The following ACVR2B variants were observed in gnomAD, a reference collection of about 807,000 sequenced individuals.
ACVR2B encodes activin A receptor type 2B, also known as activin receptor type-2B.
Under a neutral mutation model 65.1 loss-of-function variants are expected in ACVR2B, and 18 were observed. That is an observed-to-expected ratio of 0.28 (90% CI 0.19 to 0.41). The LOEUF is 0.41. Among genes scored for constraint, ACVR2B ranks in the 10% least tolerant of loss-of-function variants. The pLI is 1.00. For synonymous variants in ACVR2B, 298 were observed against 277.7 expected (o/e 1.07, Z -0.73); for missense variants, 482 against 682.7 (o/e 0.71, Z 3.28).
intron 10 of ACVR2B, 101 bp downstream of exon 10, chr3:38,482,661 A>C: frequency 6.6e-7 from 1 of 1,513,856 alleles, no homozygotes; most frequent in Non-Finnish European, 9.0e-7. Context: ...GGCAAATAGA[A>C]AGTCTGCGAC....
At position 38,460,288 on chromosome 3, in the gene ACVR2B, G is replaced by C. The variant is rs147211180; in HGVS notation, c.52+5914G>C. Reference sequence around the variant, plus strand: ...CTCTCATTCTCTACCAGACTTACGGGTCCATCCCAGCCCTAGAGGTGCCTA... The same window carrying C: ...CTCTCATTCTCTACCAGACTTACGGCTCCATCCCAGCCCTAGAGGTGCCTA... On this transcript the variant is annotated intron_variant, in intron 1 of 10. Coordinates refer to ENST00000352511, the MANE Select transcript of ACVR2B (RefSeq NM_001106.4). Among the ~76,000 whole-genome samples, 391 of 152,276 alleles carry C rather than the reference G, an allele frequency of 2.6e-3. 2 individuals carry two copies. The highest frequency in any genetic ancestry group is 9.0e-3 in the African/African-American group (372 of 41,556).
intron 1 of ACVR2B, chr3:38,474,157 C>G (rs1709867689): frequency 6.5e-6 from 1 of 152,750 alleles, no homozygotes; most frequent in South Asian, 2.1e-4. Context: ...GCTGGCATTA[C>G]AGGCGTGAGC....
chr3:38,460,580 G>T (rs1709628426), intron 1 of ACVR2B, among the ~76,000 whole-genome samples: 1 of 152,234 alleles, frequency 6.6e-6, no homozygotes, highest in South Asian at 2.1e-4. Flanking sequence ...ACACATGCAT[G>T]TGCCTTTTTC....
intron 1 of ACVR2B, chr3:38,454,593 G>A: frequency 2.7e-6 from 1 of 371,776 alleles, no homozygotes; most frequent in Non-Finnish European, 4.6e-6. Context: ...GCGGGATTCT[G>A]GTTCCTAGAG....
intron 1 of ACVR2B, among the ~76,000 whole-genome samples, chr3:38,459,899 T>G (rs970453203): frequency 6.6e-6 from 1 of 152,100 alleles, no homozygotes; most frequent in Non-Finnish European, 1.5e-5. Flanking sequence ...TGCCCCCATG[T>G]TTATTTTCTA....
chr3:38,464,802 A>G (rs1200389381), intron 1 of ACVR2B, among the ~76,000 whole-genome samples: 2 of 152,168 alleles, frequency 1.3e-5, no homozygotes, highest in Non-Finnish European at 2.9e-5. Context: ...CACACCTGTA[A>G]TCCCAGCTAC....
chr3:38,483,107 G>C lies in ACVR2B; in HGVS notation c.1345-31G>C. 6.2e-7 allele frequency: 1 copy of C among 1,613,358 alleles called. No individual in the cohort carries two copies. ...TCCTCACTGAAGGGTCCTAACAAAG[G>C]TGTCTTTCCTGTCTGCCCTATGCTG... On this transcript the variant is annotated intron_variant, in intron 10 of 10. Transcript: ENST00000352511. The surrounding 1 kb of genome is among the most constrained non-coding windows in gnomAD (Gnocchi z 4.8).
rs1710155005 is a variant in ACVR2B, at chr3:38,488,245, TCTC to T, written c.*4914_*4916del. On this transcript the variant is annotated 3_prime_UTR_variant, in exon 11 of 11. Coordinates refer to ENST00000352511, the MANE Select transcript of ACVR2B (RefSeq NM_001106.4). The stretch of plus-strand genomic sequence containing the variant: ...AATTCAGTTGATGAACTGTATATCT[TCTC>T]AGTCTAGATTTGTAAATGTTTAATG... 1 of 152,228 alleles carries T rather than the reference TCTC, an allele frequency of 6.6e-6. No homozygotes were observed. The highest frequency in any genetic ancestry group is 2.4e-5 in the African/African-American group (1 of 41,462). The allele number at this position is 152,228 out of a possible 1,614,324, so 9.4% of individuals were successfully genotyped here.
In ACVR2B at chr3:38,474,479, G is replaced by C. The variant is rs571618027; in HGVS notation, c.53-2808G>C. ...CTAGCCATGATACCTATACCCTTCT[G>C]TCCTTCTGTCTGTCCACCCATCCAT... is the stretch of plus-strand genomic sequence containing the variant. On this transcript the variant is annotated intron_variant, in intron 1 of 10. Coordinates refer to ENST00000352511, the MANE Select transcript of ACVR2B (RefSeq NM_001106.4). The C allele has an allele frequency of 2.0e-4, 30 of 152,372 alleles. 1 individual carries two copies. The highest frequency in any genetic ancestry group is 1.7e-3 in the Admixed American group (26 of 15,308). The allele number at this position is 152,372 out of a possible 1,614,324, so 9.4% of individuals were successfully genotyped here. A position where few individuals can be genotyped will look rare whatever the true frequency, so the allele number is the denominator to read the frequency against.
intron 1 of ACVR2B, among the ~76,000 whole-genome samples, chr3:38,464,567 A>G (rs1180302495): frequency 8.4e-6 from 1 of 118,862 alleles, no homozygotes; most frequent in Non-Finnish European, 2.2e-5. Context: ...TAGGGTGATG[A>G]TTTTGGTATT....
At chr3:38,476,137 C>T (rs985788365) in intron 1 of ACVR2B, 1 of 152,298 alleles carries the variant, frequency 6.6e-6, no homozygotes, top group Non-Finnish European at 1.5e-5. Flanking sequence ...ATACTCTTTC[C>T]TATGTCAGGG....
chr3:38,476,967 ATCTGGACTCTGTCTG>A (rs1169661526), intron 1 of ACVR2B: 1 of 466,624 alleles, frequency 2.1e-6, no homozygotes, highest in Non-Finnish European at 3.9e-6. Context: ...CTTTCTGTGC[ATCTGGACTCTGTCTG>A]TCTGGCTGTT....
At chr3:38,464,125 C>T (rs144535303) in intron 1 of ACVR2B, among the ~76,000 whole-genome samples, 573 of 152,346 alleles carry the variant, frequency 3.8e-3, no homozygotes, top group Non-Finnish European at 6.2e-3. Context: ...GGGCCTCAAC[C>T]TATGAATTTT....
chr3:38,467,578 C>G (rs1405280038), intron 1 of ACVR2B, among the ~76,000 whole-genome samples: 1 of 127,836 alleles, frequency 7.8e-6, no homozygotes, highest in African/African-American at 2.5e-5. Context: ...TAGTGAGACC[C>G]CATCTCTACA....
intron 1 of ACVR2B, among the ~76,000 whole-genome samples, chr3:38,461,018 G>T (rs900326792): frequency 6.6e-6 from 1 of 152,202 alleles, no homozygotes; most frequent in Non-Finnish European, 1.5e-5. Context: ...AGGAGAAGGA[G>T]GGGTCCCTGT....
chr3:38,467,840 A>G (rs897338601), intron 1 of ACVR2B, among the ~76,000 whole-genome samples: 1 of 152,156 alleles, frequency 6.6e-6, no homozygotes, highest in Non-Finnish European at 1.5e-5. Context: ...ACCAAATGAG[A>G]TAAATATAGC....
Position 38,477,611 on chromosome 3 carries a change from G to C in ACVR2B, c.260+117G>C. The C allele has an allele frequency of 7.8e-7, 1 of 1,287,154 alleles. No homozygotes were observed. The highest frequency in any genetic ancestry group is 1.1e-6 in the Non-Finnish European group (1 of 906,472). The allele number at this position is 1,287,154 out of a possible 1,614,324, so 79.7% of individuals were successfully genotyped here. ...GATAAAGGACCAAGAAGGGGCTCTT[G>C]AGATGGTAGCCATGGCCCCACGCCC... On this transcript the variant is annotated intron_variant, in intron 2 of 10. Transcript: ENST00000352511. The surrounding 1 kb of genome is among the most constrained non-coding windows in gnomAD (Gnocchi z 6.7).
intron 1 of ACVR2B, among the ~76,000 whole-genome samples, chr3:38,471,308 A>C (rs1024509746): frequency 3.3e-5 from 5 of 152,262 alleles, no homozygotes. Context: ...GAAGATGATC[A>C]GTCTCACAAG....
intron 1 of ACVR2B, among the ~76,000 whole-genome samples, chr3:38,470,539 A>T (rs1418011012): frequency 2.0e-5 from 3 of 152,154 alleles, no homozygotes; most frequent in Admixed American, 6.5e-5. Context: ...CTACTGAAAT[A>T]TTTTTTTTCA....
Sources: gnomAD v4.1 joint callset for allele counts (sites outside exome capture counted in the v4.1 genomes callset) on GRCh38, gnomAD v4.1.1 for gene constraint, Gnocchi (gnomAD v3.1) non-coding constraint, MANE v1.5 for transcripts, NCBI Gene and HGNC (gene_info 2026-07-23, HGNC 2026-07-21) for gene names.